The following BMPR1A variants were observed in gnomAD, a reference collection of about 807,000 sequenced individuals.
BMPR1A encodes bone morphogenetic protein receptor type-1A.
Under a neutral mutation model 66.0 loss-of-function variants are expected in BMPR1A, and 7 were observed. That is an observed-to-expected ratio of 0.11 (90% CI 0.06 to 0.20). The LOEUF is 0.20. Ranked by LOEUF, BMPR1A falls within the 10% of genes least tolerant of loss-of-function variation. BMPR1A has a pLI of 1.00. For missense variants in BMPR1A, 408 were observed against 669.1 expected, an observed-to-expected ratio of 0.61 and a Z score of 4.31; for synonymous variants, 200 against 229.7, an observed-to-expected ratio of 0.87 and a Z score of 1.17.
rs1430107141 is a variant in BMPR1A at position 86,756,759 on chromosome 10, C to CCG, written c.-421_-420dup. On this transcript the variant is annotated 5_prime_UTR_variant, in exon 1 of 13. Transcript: ENST00000372037. The stretch of plus-strand genomic sequence containing the variant: ...GAAGGCTTAGGCTCGGCGCGTCCGT[C>CCG]CGCGCGCGGCGAAGATCGCACGGCC... 1 of 151,122 alleles carries CCG rather than the reference C, an allele frequency of 6.6e-6. No individual in the cohort carries two copies. The highest frequency in any genetic ancestry group is 1.5e-5 in the Non-Finnish European group (1 of 67,576). The allele number at this position is 151,122 out of a possible 1,614,324, so 9.4% of individuals were successfully genotyped here. A position where few individuals can be genotyped will look rare whatever the true frequency, so the allele number is the denominator to read the frequency against.
intron 1 of BMPR1A, among the ~76,000 whole-genome samples, chr10:86,815,385 T>G (rs1842022765): frequency 1.3e-5 from 2 of 152,186 alleles, no homozygotes; most frequent in Admixed American, 1.3e-4. Flanking sequence ...TGAGTGAGGC[T>G]GTTTCCTAGC....
chr10:86,771,268 TTTAC>T (rs1841255772), intron 1 of BMPR1A, among the ~76,000 whole-genome samples: 2 of 152,208 alleles, frequency 1.3e-5, no homozygotes, highest in South Asian at 4.1e-4. Flanking sequence ...ATATTTTATT[TTTAC>T]TTAGTGTTTG....
chr10:86,782,239 A>G (rs898347137), intron 1 of BMPR1A, among the ~76,000 whole-genome samples: 1 of 152,176 alleles, frequency 6.6e-6, no homozygotes, highest in Non-Finnish European at 1.5e-5. Flanking sequence ...CTGTTGAGAG[A>G]CACAAGTTAA....
chr10:86,760,248 C>CTTTTTTTTT (rs60211336), intron 1 of BMPR1A, among the ~76,000 whole-genome samples: 20 of 17,004 alleles, frequency 1.2e-3, no homozygotes, highest in Non-Finnish European at 1.7e-3. Context: ...TTCTTTCTTT[C>CTTTTTTTTT]TTTTTTTTTT....
intron 1 of BMPR1A, among the ~76,000 whole-genome samples, chr10:86,798,623 A>C (rs1423571046): frequency 6.6e-6 from 1 of 152,234 alleles, no homozygotes; most frequent in Non-Finnish European, 1.5e-5. Flanking sequence ...TGTTAATGTA[A>C]GACTTCAGGC....
chr10:86,792,347 G>A (rs562800034), intron 1 of BMPR1A, among the ~76,000 whole-genome samples: 1 of 152,292 alleles, frequency 6.6e-6, no homozygotes, highest in African/African-American at 2.4e-5. Flanking sequence ...TTACAGGCAT[G>A]AGCCAGCATG....
At chr10:86,904,854 A>G (rs910531082) in intron 7 of BMPR1A, among the ~76,000 whole-genome samples, 2 of 152,196 alleles carry the variant, frequency 1.3e-5, no homozygotes, top group East Asian at 1.9e-4. Context: ...TAAATACTAC[A>G]TAGAACTTTG....
intron 1 of BMPR1A, among the ~76,000 whole-genome samples, chr10:86,808,093 A>G (rs1182783206): frequency 1.3e-5 from 2 of 151,876 alleles, no homozygotes; most frequent in Admixed American, 6.6e-5. Flanking sequence ...TTTAATAGAT[A>G]TAGGCCTATT....
chr10:86,890,014 T>G, intron 3 of BMPR1A, 48 bp from the exon 4 acceptor site: 41 of 1,601,452 alleles, frequency 2.6e-5, no homozygotes, highest in Non-Finnish European at 3.2e-5. Context: ...CACGAAACAA[T>G]GAGCTTTTCA....
chr10:86,932,293 A>G (rs1019465112), downstream of BMPR1A: 3 of 152,240 alleles, frequency 2.0e-5, no homozygotes, highest in African/African-American at 4.8e-5. Context: ...CAGAACCAGG[A>G]AAGTTCACAT....
chr10:86,884,979 A>G (rs1843051283), intron 3 of BMPR1A, among the ~76,000 whole-genome samples: 2 of 152,210 alleles, frequency 1.3e-5, no homozygotes, highest in Non-Finnish European at 2.9e-5. Flanking sequence ...AAATAAGCCT[A>G]ATCATTCACA....
At chr10:86,804,945 T>G (rs1054748745) in intron 1 of BMPR1A, among the ~76,000 whole-genome samples, 1 of 152,086 alleles carries the variant, frequency 6.6e-6, no homozygotes, top group Non-Finnish European at 1.5e-5. Context: ...ATGCTCCCTT[T>G]AAAGGTACCA....
intron 3 of BMPR1A, among the ~76,000 whole-genome samples, chr10:86,877,239 GCT>G (rs1203298838): frequency 1.4e-5 from 2 of 143,940 alleles, no homozygotes; most frequent in African/African-American, 2.7e-5. Flanking sequence ...ACAGAGTCTC[GCT>G]CTGTCACCGA....
At position 86,923,491 on chromosome 10, in the gene BMPR1A, G is replaced by A. The variant is rs1355650385; in HGVS notation, c.1458G>A (p.Arg486=). ...VKRLRPIVSN[R]WNSDECLRAV... Reference sequence around the variant, plus strand: ...GTTTGCGGCCAATTGTGTCTAATCGGTGGAACAGTGATGAAGTGAGTGGAA... The same window carrying A: ...GTTTGCGGCCAATTGTGTCTAATCGATGGAACAGTGATGAAGTGAGTGGAA... The change falls in exon 12 of 13, where the codon CGG becomes CGA. Residue 486 remains arginine, a synonymous_variant. Coordinates refer to ENST00000372037, the MANE Select transcript of BMPR1A (RefSeq NM_004329.3). 1.2e-6 allele frequency: 2 copies of A among 1,614,216 alleles called. No individual in the cohort carries two copies. Among genetic ancestry groups the A allele is most frequent in the Non-Finnish European group, 8.5e-7 (1 of 1,180,036 alleles).
In BMPR1A at chr10:86,775,805, A is replaced by G. The variant is rs575405287; in HGVS notation, c.-268+18886A>G. Among the ~76,000 whole-genome samples, 3 of 152,206 alleles carry G rather than the reference A, an allele frequency of 2.0e-5. No individual in the cohort carries two copies. The East Asian group carries it at 5.8e-4, about 29-fold the overall frequency. ...GTGTTGTTACTGTATGTATCTTCCT[A>G]AGATTTTCTTTCCATTTACAAAAAT... is the stretch of plus-strand genomic sequence containing the variant. On this transcript the variant is annotated intron_variant, in intron 1 of 12. Coordinates refer to ENST00000372037, the MANE Select transcript of BMPR1A (RefSeq NM_004329.3).
chr10:86,788,320 A>G (rs1479505206), intron 1 of BMPR1A, among the ~76,000 whole-genome samples: 1 of 152,212 alleles, frequency 6.6e-6, no homozygotes, highest in East Asian at 1.9e-4. Context: ...AGAAAAACCT[A>G]TAGGCTTTCT....
intron 1 of BMPR1A, among the ~76,000 whole-genome samples, chr10:86,768,281 C>T (rs536225029): frequency 6.6e-6 from 1 of 152,086 alleles, no homozygotes; most frequent in East Asian, 1.9e-4. Context: ...ATATAAAGAG[C>T]GTGAGTAAAG....
Position 86,925,721 on chromosome 10 carries a change from C to CTTTTTTT in BMPR1A, c.*2013_*2019dup, listed in dbSNP as rs11450437. 17 of 117,118 alleles carry CTTTTTTT rather than the reference C, an allele frequency of 1.5e-4. No individual in the cohort carries two copies. Among genetic ancestry groups the CTTTTTTT allele is most frequent in the African/African-American group, 4.4e-4 (11 of 25,052 alleles). The allele number at this position is 117,118 out of a possible 1,614,324, so 7.3% of individuals were successfully genotyped here. On this transcript the variant is annotated 3_prime_UTR_variant, in exon 13 of 13. Coordinates refer to ENST00000372037, the MANE Select transcript of BMPR1A (RefSeq NM_004329.3). ...CATAATCTTTAAAATCATTTGTCAT[C>CTTTTTTT]TTTTTTTTTTTTTTTTTGAGACGGA...
intron 1 of BMPR1A, among the ~76,000 whole-genome samples, chr10:86,788,947 T>G (rs1841558379): frequency 6.6e-6 from 1 of 151,816 alleles, no homozygotes; most frequent in Non-Finnish European, 1.5e-5. Context: ...TTTCCATTAT[T>G]AAAAAAAATG....
Sources: allele counts gnomAD v4.1 joint callset (sites outside exome capture counted in the v4.1 genomes callset), GRCh38; gene constraint gnomAD v4.1.1; transcripts MANE v1.5; gene names NCBI Gene and HGNC (gene_info 2026-07-23, HGNC 2026-07-21).